The following FBXO7 variants were observed in gnomAD, a reference collection of about 807,000 sequenced individuals.
The protein encoded by FBXO7 is F-box only protein 7.
Under a neutral mutation model 50.2 loss-of-function variants are expected in FBXO7, and 31 were observed. The ratio of observed to expected loss-of-function variants is 0.62; its 90% CI spans 0.46 to 0.83. FBXO7 has a LOEUF of 0.83. Among genes scored for constraint, FBXO7 ranks in the 40% least tolerant of loss-of-function variants. The pLI is 0.00. For missense variants in FBXO7, 667 were observed against 646.6 expected (o/e 1.03, Z -0.34); for synonymous variants, 256 against 253.1 (o/e 1.01, Z -0.11).
At chr22:32,488,569 G>A in intron 5 of FBXO7, 1 of 152,192 alleles carries the variant, frequency 6.6e-6, no homozygotes, top group East Asian at 1.9e-4. Context: ...AGGGTTTTAA[G>A]AGCCTAGTGG....
At chr22:32,485,283 C>CAA (rs2057491749) in intron 4 of FBXO7, 74 bp downstream of exon 4, 82 of 1,561,600 alleles carry the variant, frequency 5.3e-5, no homozygotes, top group Non-Finnish European at 7.1e-5. Context: ...TTTATAGCCA[C>CAA]TTCAGTGATT....
chr22:32,475,893 T>C (rs937476684), intron 1 of FBXO7: 2 of 153,014 alleles, frequency 1.3e-5, no homozygotes, highest in East Asian at 3.8e-4. Context: ...GGACTGCAGG[T>C]GAAGCTGCTT....
Position 32,480,142 on chromosome 22 carries a change from G to T in FBXO7, c.417+867G>T, listed in dbSNP as rs182120274. On this transcript the variant is annotated intron_variant, in intron 2 of 8. Transcript: ENST00000266087. Reference sequence around the variant, plus strand: ...GCTTTATTCCTCAGTCTGTTTTCTGGATTTGCCTTCTTCCTACATGGTTCT... The same window carrying T: ...GCTTTATTCCTCAGTCTGTTTTCTGTATTTGCCTTCTTCCTACATGGTTCT... 1.6e-4 allele frequency among the ~76,000 whole-genome samples: 25 copies of T among 152,084 alleles called. 1 individual carries two copies. The highest frequency in any genetic ancestry group is 1.4e-3 in the Admixed American group (22 of 15,280).
chr22:32,477,939 C>G (rs557075350), intron 1 of FBXO7: 1 of 152,108 alleles, frequency 6.6e-6, no homozygotes, highest in Non-Finnish European at 1.5e-5. Context: ...CAAGTAAATA[C>G]GATGTTTTCA....
intron 8 of FBXO7, among the ~76,000 whole-genome samples, chr22:32,496,820 T>C (rs2057578026): frequency 6.6e-6 from 1 of 152,236 alleles, no homozygotes; most frequent in Non-Finnish European, 1.5e-5. Context: ...TGTCAGGCCA[T>C]AGTTGCCAGA....
rs73884930 is a variant in FBXO7 at position 32,493,078 on chromosome 22, C to G, written c.968-27C>G. ...CCAGATGTTCTTTACTCAGTAATAC[C>G]TGTTACTTCTCTTTTTTTCCTTTTA... On this transcript the variant is annotated intron_variant, in intron 6 of 8. Coordinates refer to ENST00000266087, the MANE Select transcript of FBXO7 (RefSeq NM_012179.4). The G allele has an allele frequency of 4.6e-3, 7,437 of 1,610,952 alleles. 312 individuals are homozygous for G. The African/African-American group carries it at 0.091, about 20-fold the overall frequency.
At chr22:32,487,952 A>G (rs1049297692) in intron 5 of FBXO7, 124 bp downstream of exon 5, 19 of 686,846 alleles carry the variant, frequency 2.8e-5, no homozygotes, top group African/African-American at 5.5e-5. Flanking sequence ...ATTGAAGACA[A>G]TGTGGTTTGT....
intron 7 of FBXO7, among the ~76,000 whole-genome samples, chr22:32,494,575 C>G (rs1052470209): frequency 6.6e-6 from 1 of 151,118 alleles, no homozygotes; most frequent in Non-Finnish European, 1.5e-5. Context: ...AGGCTGGTCT[C>G]CAACTCAAAA....
intron 4 of FBXO7, 96 bp from the exon 5 acceptor site, chr22:32,487,649 A>G (rs2057506825): frequency 5.2e-6 from 4 of 763,996 alleles, no homozygotes; most frequent in African/African-American, 1.7e-5. Context: ...TGTCCTTAGT[A>G]TATTAGGAGC....
At position 32,484,005 on chromosome 22, in the gene FBXO7, G is replaced by T; in HGVS notation, c.526G>T (p.Glu176Ter). Residue 176 changes from glutamate to a stop codon, truncating the protein, a stop_gained, in exon 3 of 9, where the codon GAA (glutamate) becomes TAA (stop). Coordinates refer to ENST00000266087, the MANE Select transcript of FBXO7 (RefSeq NM_012179.4). LOFTEE classifies it high-confidence loss of function. ...ACCCATGCTCTGTAGTGAATCGGTGGAAGGGCAAGTGCCACATTCATTAGA... is the reference window on the plus strand; with the variant it reads ...ACCCATGCTCTGTAGTGAATCGGTGTAAGGGCAAGTGCCACATTCATTAGA... ...SEPMLCSESV[E>*]GQVPHSLETL... 2 of 1,614,186 alleles carry T rather than the reference G, an allele frequency of 1.2e-6. No individual in the cohort carries two copies. Among genetic ancestry groups the T allele is most frequent in the Non-Finnish European group, 1.7e-6 (2 of 1,180,012 alleles).
chr22:32,475,258 G>GGGGGCCTTCACGGGAGGCCC, intron 1 of FBXO7, 134 bp downstream of exon 1: 6 of 1,556,976 alleles, frequency 3.9e-6, no homozygotes, highest in Non-Finnish European at 5.2e-6. Context: ...GGGACGCCGG[G>GGGGGCCTTCACGGGAGGCCC]GGGGCCTTCA....
intron 2 of FBXO7, among the ~76,000 whole-genome samples, chr22:32,481,164 T>G (rs905493048): frequency 6.6e-6 from 1 of 151,940 alleles, no homozygotes; most frequent in African/African-American, 2.4e-5. Flanking sequence ...TAAAAAATAC[T>G]TTTTAATAGA....
rs376992841 is a variant in FBXO7, at chr22:32,485,198, T to G, written c.776T>G (p.Ile259Ser). The stretch of plus-strand genomic sequence containing the variant: ...ACCTGTGTGCCTTTGGGAAACCTGA[T>G]TGTTGTAAATGGTAATTGGATAGCA... ...TLTCVPLGNLIVVNATLKINN... is the reference protein window; with the variant it reads ...TLTCVPLGNLSVVNATLKINN... The change falls in exon 4 of 9, where the codon ATT becomes AGT. Residue 259 changes from isoleucine (I) to serine (S), a missense_variant. Physicochemically the swap from Ile to Ser is moderately radical, Grantham distance 142. Transcript: ENST00000266087. The G allele has an allele frequency of 1.2e-6, 2 of 1,613,976 alleles. No individual in the cohort carries two copies. The highest frequency in any genetic ancestry group is 1.7e-6 in the Non-Finnish European group (2 of 1,179,972).
Position 32,498,291 on chromosome 22 carries a change from A to G in FBXO7, c.1330A>G (p.Ile444Val). ...TAGCTCCCGCCTTCCTCCAGGAATT[A>G]TCGGGGGTGAATATGACCAAAGACC... is the stretch of plus-strand genomic sequence containing the variant. ...FPSSRLPPGI[I>V]GGEYDQRPTL... is the part of the protein sequence containing the mutation. Residue 444 changes from isoleucine to valine, a missense_variant, in exon 9 of 9, where the codon ATC becomes GTC. By Grantham distance (29) the Ile-to-Val change is conservative. Transcript: ENST00000266087. The G allele has an allele frequency of 1.2e-6, 2 of 1,614,116 alleles. No homozygotes were observed. The highest frequency in any genetic ancestry group is 2.2e-5 in the East Asian group (1 of 44,870).
In FBXO7 at chr22:32,483,165, C is replaced by T. The variant is rs541100580; in HGVS notation, c.418-732C>T. On this transcript the variant is annotated intron_variant, in intron 2 of 8. Coordinates refer to ENST00000266087, the MANE Select transcript of FBXO7 (RefSeq NM_012179.4). ...TCACAGGGATGTTGACTGCTGAGGA[C>T]GGAGGATAGTGTTTTTTGGTAAAGT... Among the ~76,000 whole-genome samples the T allele has an allele frequency of 1.6e-3, 245 of 152,208 alleles. 1 individual carries two copies. Among genetic ancestry groups the T allele is most frequent in the African/African-American group, 5.0e-3 (207 of 41,526 alleles).
At chr22:32,478,934 A>G in intron 1 of FBXO7, 47 bp from the exon 2 acceptor site, 1 of 1,541,662 alleles carries the variant, frequency 6.5e-7, no homozygotes, top group Non-Finnish European at 9.0e-7. Context: ...TATTGAAGGT[A>G]TTAGAAGTAG....
intron 8 of FBXO7, 100 bp from the exon 9 acceptor site, chr22:32,498,044 G>A (rs911450252): frequency 7.9e-5 from 102 of 1,287,704 alleles, no homozygotes; most frequent in Middle Eastern, 4.2e-4. Context: ...TATGTCTGAG[G>A]TGTGCCTATA....
intron 4 of FBXO7, 189 bp from the exon 5 acceptor site, chr22:32,487,556 T>C: frequency 1.8e-6 from 1 of 557,874 alleles, no homozygotes; most frequent in Non-Finnish European, 3.3e-6. Context: ...AGAGTGATTT[T>C]ACTTCATGTG....
rs913353436 is a variant in FBXO7, at chr22:32,490,913, T to A, written c.872-173T>A. On this transcript the variant is annotated intron_variant, in intron 5 of 8. Coordinates refer to ENST00000266087, the MANE Select transcript of FBXO7 (RefSeq NM_012179.4). The stretch of plus-strand genomic sequence containing the variant: ...AATTTTTAGCTTTTATATCTAAGAT[T>A]CAGTTTCATCAAGTCTTGCACTGTA... 17 of 580,370 alleles carry A rather than the reference T, an allele frequency of 2.9e-5. No homozygotes were observed. In the East Asian group the frequency reaches 4.4e-4, roughly 15 times the overall value. 36.0% of individuals were successfully genotyped at this position (580,370 alleles called of 1,614,324 possible).
Sources: gnomAD v4.1 joint callset for allele counts (sites outside exome capture counted in the v4.1 genomes callset) on GRCh38, gnomAD v4.1.1 for gene constraint, MANE v1.5 for transcripts, NCBI Gene and HGNC (gene_info 2026-07-23, HGNC 2026-07-21) for gene names.